ARSB: variants seen among roughly 807,000 people sequenced by gnomAD.
ARSB encodes the protein N-acetylgalactosamine-4-sulfatase.
Under a neutral mutation model 50.9 loss-of-function variants are expected in ARSB, and 41 were observed. The ratio of observed to expected loss-of-function variants is 0.81; its 90% CI spans 0.63 to 1.04. The LOEUF is 1.04. Among genes scored for constraint, ARSB ranks in the 50% least tolerant of loss-of-function variants. The pLI is 0.00. For synonymous variants in ARSB, 269 were observed against 284.8 expected (o/e 0.94, Z 0.56); for missense variants, 672 against 693.3 (o/e 0.97, Z 0.35).
chr5:78,803,792 A>T (rs898482533), intron 6 of ARSB, among the ~76,000 whole-genome samples: 3 of 152,392 alleles, frequency 2.0e-5, no homozygotes, highest in African/African-American at 7.2e-5. Flanking sequence ...CGTTTCTTCA[A>T]CAAATATTTA....
intron 5 of ARSB, among the ~76,000 whole-genome samples, chr5:78,840,093 T>A (rs1745134007): frequency 6.6e-6 from 1 of 152,220 alleles, no homozygotes; most frequent in Non-Finnish European, 1.5e-5. Flanking sequence ...TATTGGGTTG[T>A]GTGACTCTCA....
At chr5:78,984,121 G>A (rs1270933493) in intron 1 of ARSB, among the ~76,000 whole-genome samples, 1 of 152,164 alleles carries the variant, frequency 6.6e-6, no homozygotes, top group Non-Finnish European at 1.5e-5. Flanking sequence ...TTCTAGCTGT[G>A]CGATTCTTAT....
At chr5:78,793,628 C>T (rs1284792602) in intron 6 of ARSB, among the ~76,000 whole-genome samples, 1 of 152,074 alleles carries the variant, frequency 6.6e-6, no homozygotes, top group Non-Finnish European at 1.5e-5. Flanking sequence ...TGGCCATGGT[C>T]CCCCCAAACT....
chr5:78,826,716 A>T (rs1744446871), intron 6 of ARSB, among the ~76,000 whole-genome samples: 1 of 152,204 alleles, frequency 6.6e-6, no homozygotes, highest in Non-Finnish European at 1.5e-5. Context: ...AACAAATAGC[A>T]CAGGTGTTAC....
At chr5:78,867,072 A>G (rs1001216968) in intron 5 of ARSB, among the ~76,000 whole-genome samples, 21 of 152,230 alleles carry the variant, frequency 1.4e-4, no homozygotes, top group Admixed American at 1.4e-3. Flanking sequence ...CACCTGGAAA[A>G]TCGGGTCACT....
chr5:78,957,359 G>A (rs2112490563), intron 3 of ARSB, among the ~76,000 whole-genome samples: 1 of 152,142 alleles, frequency 6.6e-6, no homozygotes, highest in South Asian at 2.1e-4. Flanking sequence ...TCCTTGTAAT[G>A]CAAAAAGGAG....
At chr5:78,878,741 A>G (rs1166501097) in intron 5 of ARSB, among the ~76,000 whole-genome samples, 5 of 152,136 alleles carry the variant, frequency 3.3e-5, no homozygotes, top group Non-Finnish European at 1.5e-5. Flanking sequence ...ATAATGACAT[A>G]CTAAGTTTTT....
intron 4 of ARSB, among the ~76,000 whole-genome samples, chr5:78,890,512 C>G (rs527689806): frequency 1.3e-5 from 2 of 152,168 alleles, no homozygotes; most frequent in African/African-American, 4.8e-5. Flanking sequence ...ATCATCCCCC[C>G]TTCTGCAGCC....
intron 5 of ARSB, among the ~76,000 whole-genome samples, chr5:78,875,552 G>A (rs1239233735): frequency 3.3e-5 from 5 of 152,014 alleles, no homozygotes; most frequent in Admixed American, 2.0e-4. Flanking sequence ...AAACAAGACA[G>A]GATTGCAGTT....
At chr5:78,801,077 GA>G (rs1317792567) in intron 6 of ARSB, among the ~76,000 whole-genome samples, 2 of 152,220 alleles carry the variant, frequency 1.3e-5, no homozygotes, top group Non-Finnish European at 2.9e-5. Context: ...CCAACATATA[GA>G]AGTTAGAACT....
chr5:78,792,489 T>G (rs1419189076), intron 6 of ARSB, among the ~76,000 whole-genome samples: 1 of 152,230 alleles, frequency 6.6e-6, no homozygotes, highest in African/African-American at 2.4e-5. Flanking sequence ...TTCTGAAAAG[T>G]AACTCAGAGA....
intron 1 of ARSB, among the ~76,000 whole-genome samples, chr5:78,976,237 T>C (rs1228138381): frequency 6.6e-6 from 1 of 151,304 alleles, no homozygotes; most frequent in Non-Finnish European, 1.5e-5. Context: ...TATTTGAAGG[T>C]TTTGAATGTA....
chr5:78,925,082 T>C (rs542482184), intron 4 of ARSB, among the ~76,000 whole-genome samples: 1 of 152,210 alleles, frequency 6.6e-6, no homozygotes, highest in Admixed American at 6.5e-5. Flanking sequence ...TGTCTGAATC[T>C]TGAGACTTGG....
At chr5:78,897,807 T>C (rs4703767) in intron 4 of ARSB, among the ~76,000 whole-genome samples, 225 of 152,100 alleles carry the variant, frequency 1.5e-3, no homozygotes, top group Admixed American at 5.7e-3. Flanking sequence ...ATATTTACTA[T>C]ATTCAAAAAT....
At chr5:78,884,400 G>A (rs1277357725) in intron 5 of ARSB, 1 of 151,500 alleles carries the variant, frequency 6.6e-6, no homozygotes, top group Non-Finnish European at 1.5e-5. Flanking sequence ...ATTTTTTTCT[G>A]AACCATTTGA....
chr5:78,974,093 T>G (rs1449800708), intron 1 of ARSB, among the ~76,000 whole-genome samples: 2 of 152,220 alleles, frequency 1.3e-5, no homozygotes, highest in Admixed American at 1.3e-4. Flanking sequence ...AAGTAACACT[T>G]GTGCCACCTT....
chr5:78,952,103 A>C (rs74938003), intron 4 of ARSB, among the ~76,000 whole-genome samples: 90 of 152,326 alleles, frequency 5.9e-4, no homozygotes, highest in African/African-American at 2.0e-3. Flanking sequence ...AATATAAGAC[A>C]ATCCTATTTA....
intron 6 of ARSB, among the ~76,000 whole-genome samples, chr5:78,833,484 A>T (rs1744785787): frequency 2.6e-5 from 4 of 152,350 alleles, no homozygotes; most frequent in African/African-American, 9.6e-5. Flanking sequence ...AAAATGAATA[A>T]AAAGTCTCCT....
chr5:78,811,082 G>A (rs1039920151), intron 6 of ARSB, among the ~76,000 whole-genome samples: 8 of 152,180 alleles, frequency 5.3e-5, no homozygotes, highest in Admixed American at 2.0e-4. Flanking sequence ...CAGCAGGAGC[G>A]CAGTACAGAA....
Sources: gnomAD v4.1 joint callset for allele counts (sites outside exome capture counted in the v4.1 genomes callset) on GRCh38, gnomAD v4.1.1 for gene constraint, MANE v1.5 for transcripts, NCBI Gene and HGNC (gene_info 2026-07-23, HGNC 2026-07-21) for gene names.